Variants in TENM3 observed in about 807,000 individuals in gnomAD.
The protein encoded by TENM3 is teneurin transmembrane protein 3.
Under a neutral mutation model 255.1 loss-of-function variants are expected in TENM3, and 63 were observed. The observed-to-expected ratio is 0.25, with a 90% CI of 0.20 to 0.30. The LOEUF (loss-of-function observed/expected upper bound fraction) is 0.30, where lower values mean the gene tolerates loss of function less well. TENM3 is among the 10% of genes least tolerant of loss of function. TENM3 has a pLI of 1.00. For missense variants in TENM3, 2,929 were observed against 3,461.1 expected, an observed-to-expected ratio of 0.85 and a Z score of 3.86; for synonymous variants, 1,306 against 1,322.3, an observed-to-expected ratio of 0.99 and a Z score of 0.27.
chr4:182,506,805 G>T (rs1296265496), intron 3 of TENM3, among the ~76,000 whole-genome samples: 2 of 152,164 alleles, frequency 1.3e-5, no homozygotes, highest in East Asian at 3.9e-4. Context: ...GGAAGAGCTC[G>T]AGACATCTTT....
chr4:182,698,337 C>A (rs942120227), intron 12 of TENM3, among the ~76,000 whole-genome samples: 13 of 152,322 alleles, frequency 8.5e-5, no homozygotes, highest in Middle Eastern at 3.4e-3. Context: ...CTTCTACCAA[C>A]CTCTGGTGAA....
At chr4:182,239,893 G>C (rs1022244043), upstream of TENM3, among the ~76,000 whole-genome samples, 2 of 152,138 alleles carry the variant, frequency 1.3e-5, no homozygotes. Context: ...TAAAAATAGG[G>C]TAATTAATGC....
the TENM3 span, among the ~76,000 whole-genome samples, chr4:181,857,314 C>T: frequency 9.9e-4 from 137 of 138,800 alleles, 1 homozygote; most frequent in African/African-American, 3.5e-3. Flanking sequence ...CAAAGACAGA[C>T]GTCAGAGGGA....
intron 4 of TENM3, among the ~76,000 whole-genome samples, chr4:182,609,026 C>T (rs1748721835): frequency 6.6e-6 from 1 of 152,182 alleles, no homozygotes; most frequent in African/African-American, 2.4e-5. Flanking sequence ...GGCCCATGCT[C>T]TTGCTTGCAG....
chr4:182,675,442 G>A (rs1025400433), intron 7 of TENM3, among the ~76,000 whole-genome samples: 2 of 151,960 alleles, frequency 1.3e-5, no homozygotes, highest in African/African-American at 4.8e-5. Flanking sequence ...TCAGGAGGCT[G>A]AGGCAGGAGA....
the TENM3 span, among the ~76,000 whole-genome samples, chr4:182,132,725 T>C: frequency 3.9e-5 from 6 of 152,220 alleles, no homozygotes; most frequent in Non-Finnish European, 7.3e-5. Context: ...TTCATTAAAC[T>C]CTAGTTCATA....
intron 4 of TENM3, among the ~76,000 whole-genome samples, chr4:182,601,434 T>C (rs1747843792): frequency 6.8e-6 from 1 of 147,664 alleles, no homozygotes; most frequent in Non-Finnish European, 1.5e-5. Flanking sequence ...TTTTTTCTTA[T>C]CTACAAATTA....
In TENM3 at chr4:182,473,484, T is replaced by C. The variant is rs1008588621; in HGVS notation, c.511+126555T>C. Among the ~76,000 whole-genome samples, 20 of 152,176 alleles carry C rather than the reference T, an allele frequency of 1.3e-4. 2 individuals are homozygous for C. The highest frequency in any genetic ancestry group is 9.7e-4 in the East Asian group (5 of 5,154). ...GTCAGGAGATCGAGACCATGCTGGC[T>C]AACACAGTGAAACCCCGTCTCTACT... On this transcript the variant is annotated intron_variant, in intron 3 of 27. Transcript: ENST00000511685.
At chr4:181,692,006 C>T in the TENM3 span, among the ~76,000 whole-genome samples, 70 of 152,024 alleles carry the variant, frequency 4.6e-4, no homozygotes, top group Non-Finnish European at 9.1e-4. Context: ...GTTGACATTC[C>T]CTTGTTAATT....
chr4:181,664,867 C>A, the TENM3 span, among the ~76,000 whole-genome samples: 1 of 152,196 alleles, frequency 6.6e-6, no homozygotes, highest in South Asian at 2.1e-4. Context: ...TGCTGCTTTA[C>A]CCCCATGCTC....
chr4:181,483,346 A>T, the TENM3 span, among the ~76,000 whole-genome samples: 3 of 152,162 alleles, frequency 2.0e-5, no homozygotes. Context: ...TAGTACGTTC[A>T]CACTATGATG....
intron 3 of TENM3, among the ~76,000 whole-genome samples, chr4:182,385,810 G>A (rs1200449157): frequency 6.6e-6 from 1 of 152,120 alleles, no homozygotes; most frequent in African/African-American, 2.4e-5. Flanking sequence ...TGACAGATGT[G>A]TTTTAAATTA....
the TENM3 span, among the ~76,000 whole-genome samples, chr4:181,601,316 G>T: frequency 1.3e-5 from 2 of 152,066 alleles, no homozygotes; most frequent in Admixed American, 1.3e-4. Context: ...GTTTGCTATG[G>T]TTGCCATAAC....
At chr4:181,947,742 C>A in the TENM3 span, among the ~76,000 whole-genome samples, 1 of 152,036 alleles carries the variant, frequency 6.6e-6, no homozygotes, top group African/African-American at 2.4e-5. Context: ...AAAAAATGCC[C>A]TTTTTGCTCT....
At chr4:181,907,975 T>C in the TENM3 span, among the ~76,000 whole-genome samples, 1 of 152,318 alleles carries the variant, frequency 6.6e-6, no homozygotes, top group South Asian at 2.1e-4. Context: ...ACATAAGGGT[T>C]TGTTACCATC....
At chr4:181,812,674 A>C in the TENM3 span, among the ~76,000 whole-genome samples, 1 of 152,126 alleles carries the variant, frequency 6.6e-6, no homozygotes, top group Non-Finnish European at 1.5e-5. Context: ...TTTGGCTCGG[A>C]GGACAGCTGA....
chr4:181,456,561 A>G, the TENM3 span, among the ~76,000 whole-genome samples: 3 of 152,062 alleles, frequency 2.0e-5, no homozygotes, highest in East Asian at 3.9e-4. Flanking sequence ...CAACTCTTCT[A>G]TCATGATAAA....
intron 22 of TENM3, among the ~76,000 whole-genome samples, chr4:182,758,368 G>A (rs1035672568): frequency 1.3e-5 from 2 of 152,064 alleles, no homozygotes; most frequent in African/African-American, 4.8e-5. Flanking sequence ...TTATCAGGCC[G>A]CCCCTCCAGA....
intron 1 of TENM3, among the ~76,000 whole-genome samples, chr4:182,278,992 A>G (rs11724903): frequency 0.24 from 36,439 of 152,144 alleles, 5,596 homozygotes; most frequent in African/African-American, 0.43. Context: ...AGACAAGAGA[A>G]GGGATTGCAC....
Sources: gnomAD v4.1 joint callset for allele counts (sites outside exome capture counted in the v4.1 genomes callset) on GRCh38, gnomAD v4.1.1 for gene constraint, MANE v1.5 for transcripts, NCBI Gene and HGNC (gene_info 2026-07-23, HGNC 2026-07-21) for gene names.